The following NAV2 variants were observed in gnomAD, a reference collection of about 807,000 sequenced individuals.
NAV2 encodes the protein neuron navigator 2, also known as helicase, APC down-regulated 1.
Under a neutral mutation model 223.2 loss-of-function variants are expected in NAV2, and 54 were observed. That is an observed-to-expected ratio of 0.24 (90% CI 0.19 to 0.30). NAV2 has a LOEUF of 0.30. Among genes scored for constraint, NAV2 ranks in the 10% least tolerant of loss-of-function variants. The probability of loss-of-function intolerance (pLI) is 1.00; values close to 1 mark genes in which losing one functional copy is unlikely to be tolerated. For synonymous variants in NAV2, 1,279 were observed against 1,239.3 expected (o/e 1.03, Z -0.67); for missense variants, 2,806 against 3,147.5 (o/e 0.89, Z 2.60).
At position 19,569,473 on chromosome 11, in the gene NAV2, T is replaced by C. The variant is rs115002874; in HGVS notation, c.75+218446T>C. 9.4e-3 allele frequency among the ~76,000 whole-genome samples: 1,433 copies of C among 152,308 alleles called. 25 individuals are homozygous for C. Among genetic ancestry groups the C allele is most frequent in the African/African-American group, 0.033 (1,381 of 41,568 alleles). ...GCATGTAAGAAAAACCCATAAAATT[T>C]TTTTAGTGAATAAATGAATATTCCC... On this transcript the variant is annotated intron_variant, in intron 1 of 37. Coordinates refer to the NAV2 transcript ENST00000360655.
At chr11:19,686,830 T>G (rs2049037357) in intron 1 of NAV2, among the ~76,000 whole-genome samples, 1 of 152,236 alleles carries the variant, frequency 6.6e-6, no homozygotes, top group Non-Finnish European at 1.5e-5. Flanking sequence ...TGGACTCAAT[T>G]ATAACATTTA....
At chr11:19,785,302 A>G (rs1052062335) in intron 1 of NAV2, among the ~76,000 whole-genome samples, 7 of 152,244 alleles carry the variant, frequency 4.6e-5, no homozygotes, top group African/African-American at 1.7e-4. Flanking sequence ...GTTTCAATGC[A>G]TCTGTCCTTA....
intron 1 of NAV2, among the ~76,000 whole-genome samples, chr11:19,618,562 C>T (rs994791313): frequency 1.3e-5 from 2 of 152,068 alleles, no homozygotes; most frequent in Non-Finnish European, 1.5e-5. Flanking sequence ...ACTCAAGGCT[C>T]ATCCTTGTCA....
chr11:19,421,626 G>A (rs768185410), intron 1 of NAV2, among the ~76,000 whole-genome samples: 3 of 152,166 alleles, frequency 2.0e-5, no homozygotes, highest in Non-Finnish European at 4.4e-5. Context: ...ATTAGCATAT[G>A]TGATATGAGG....
intron 1 of NAV2, among the ~76,000 whole-genome samples, chr11:19,644,899 T>C (rs1387481316): frequency 6.6e-6 from 1 of 152,224 alleles, no homozygotes; most frequent in East Asian, 1.9e-4. Flanking sequence ...GCATCTGGTA[T>C]TTTACACCAG....
rs185272668 is a variant in NAV2, at chr11:19,655,477, G to A, written c.76-177007G>A. 7.2e-4 allele frequency among the ~76,000 whole-genome samples: 109 copies of A among 152,178 alleles called. 1 individual carries two copies. Among genetic ancestry groups the A allele is most frequent in the Non-Finnish European group, 3.8e-4 (26 of 68,030 alleles). On this transcript the variant is annotated intron_variant, in intron 1 of 37. Transcript: ENST00000360655. ...TTGTGGCACTATTCACAATAGCAAA[G>A]ACTTGGAACCAACCCTAATGTCCAA...
At chr11:19,398,121 C>G (rs1849537138) in intron 1 of NAV2, among the ~76,000 whole-genome samples, 1 of 152,100 alleles carries the variant, frequency 6.6e-6, no homozygotes, top group African/African-American at 2.4e-5. Flanking sequence ...TTAATTGACT[C>G]AATACTGCAG....
chr11:20,008,102 T>G (rs138404527), intron 11 of NAV2, among the ~76,000 whole-genome samples: 4 of 152,244 alleles, frequency 2.6e-5, no homozygotes, highest in African/African-American at 9.6e-5. Flanking sequence ...CACGGTGGCT[T>G]ATGCCTGTAA....
chr11:19,988,660 C>T (rs1254705994), intron 11 of NAV2, among the ~76,000 whole-genome samples: 1 of 152,136 alleles, frequency 6.6e-6, no homozygotes, highest in Non-Finnish European at 1.5e-5. Flanking sequence ...AGGCTGCATC[C>T]AGGGCCTTGG....
chr11:19,641,273 A>C (rs572953474), intron 1 of NAV2, among the ~76,000 whole-genome samples: 15 of 152,080 alleles, frequency 9.9e-5, no homozygotes, highest in South Asian at 6.2e-4. Context: ...GCATTTTCTA[A>C]TTCCCTTACC....
At chr11:19,979,147 G>A (rs112245962) in intron 10 of NAV2, 2 of 152,188 alleles carry the variant, frequency 1.3e-5, no homozygotes, top group Admixed American at 6.5e-5. Context: ...AGCTCCCAGA[G>A]GTCTGGGATG....
At chr11:19,835,939 G>A (rs79382947) in intron 2 of NAV2, among the ~76,000 whole-genome samples, 5 of 152,014 alleles carry the variant, frequency 3.3e-5, no homozygotes, top group Admixed American at 2.6e-4. Context: ...CTAGCTCCCC[G>A]ACACAGAACC....
chr11:19,739,199 T>C (rs921327362), intron 1 of NAV2, among the ~76,000 whole-genome samples: 1 of 152,072 alleles, frequency 6.6e-6, no homozygotes, highest in African/African-American at 2.4e-5. Context: ...GAAAAGAAGA[T>C]ACATAGACAA....
At chr11:19,607,179 T>G (rs1415271300) in intron 1 of NAV2, among the ~76,000 whole-genome samples, 1 of 152,214 alleles carries the variant, frequency 6.6e-6, no homozygotes, top group Non-Finnish European at 1.5e-5. Flanking sequence ...CTACCATCCT[T>G]TCCAGTTGGA....
chr11:19,791,595 AAAAG>A (rs1470870586), intron 1 of NAV2, among the ~76,000 whole-genome samples: 2 of 152,090 alleles, frequency 1.3e-5, no homozygotes, highest in Admixed American at 1.3e-4. Context: ...TCCCTCCCTA[AAAAG>A]AGTTAGTTCC....
At chr11:19,571,455 C>T (rs1256084510) in intron 1 of NAV2, among the ~76,000 whole-genome samples, 1 of 152,180 alleles carries the variant, frequency 6.6e-6, no homozygotes, top group Non-Finnish European at 1.5e-5. Flanking sequence ...AGCCTGTAAT[C>T]CCAGCACTTT....
intron 1 of NAV2, among the ~76,000 whole-genome samples, chr11:19,565,557 A>T (rs2045240591): frequency 6.6e-6 from 1 of 152,316 alleles, no homozygotes; most frequent in Non-Finnish European, 1.5e-5. Context: ...GGCTACATGC[A>T]TCACTGATCT....
At chr11:19,508,211 A>G (rs769112896) in intron 1 of NAV2, among the ~76,000 whole-genome samples, 1 of 151,972 alleles carries the variant, frequency 6.6e-6, no homozygotes, top group Non-Finnish European at 1.5e-5. Flanking sequence ...AGGCTGTCCT[A>G]CTGATTCCTC....
chr11:20,070,476 C>A (rs551941017), intron 22 of NAV2, among the ~76,000 whole-genome samples: 1 of 152,344 alleles, frequency 6.6e-6, no homozygotes, highest in Admixed American at 6.5e-5. Context: ...TGGAACTCTG[C>A]TCTCTGTTCT....
Sources: allele counts gnomAD v4.1 joint callset (sites outside exome capture counted in the v4.1 genomes callset), GRCh38; gene constraint gnomAD v4.1.1; transcripts MANE v1.5; gene names NCBI Gene and HGNC (gene_info 2026-07-23, HGNC 2026-07-21).